Variants in VAMP4 observed in about 807,000 individuals in gnomAD.
VAMP4 encodes the protein vesicle associated membrane protein 4.
A neutral mutation model predicts 23.5 loss-of-function variants in VAMP4; 19 were observed. The ratio of observed to expected loss-of-function variants is 0.81; its 90% confidence interval spans 0.56 to 1.19. VAMP4 has a LOEUF of 1.19. Among genes scored for constraint, VAMP4 ranks in the 50% most tolerant of loss-of-function variants. The pLI is 0.00. For synonymous variants in VAMP4, 31 were observed against 51.0 expected (o/e 0.61, Z 1.67); for missense variants, 145 against 168.6 (o/e 0.86, Z 0.78).
intron 1 of VAMP4, among the ~76,000 whole-genome samples, chr1:171,740,881 C>T (rs898663534): frequency 1.3e-5 from 2 of 152,148 alleles, no homozygotes; most frequent in African/African-American, 4.8e-5. Context: ...CAACAAATAG[C>T]CCATCAGCAA....
At chr1:171,738,545 G>A (rs1215158198) in intron 1 of VAMP4, 82 bp from the exon 2 acceptor site, 1 of 820,318 alleles carries the variant, frequency 1.2e-6, no homozygotes, top group Non-Finnish European at 1.9e-6. Flanking sequence ...ATGAAACCCT[G>A]TATGACAGGG....
At chr1:171,723,744 G>A (rs866997836) in intron 3 of VAMP4, among the ~76,000 whole-genome samples, 28 of 152,250 alleles carry the variant, frequency 1.8e-4, no homozygotes, top group Middle Eastern at 3.4e-3. Flanking sequence ...CGAAGATGAC[G>A]GGATTAAGAG....
intron 4 of VAMP4, among the ~76,000 whole-genome samples, chr1:171,714,160 A>C (rs1469665538): frequency 6.6e-6 from 1 of 152,190 alleles, no homozygotes; most frequent in African/African-American, 2.4e-5. Context: ...ATGTTTCCCT[A>C]CCCAGAACAC....
intron 2 of VAMP4, among the ~76,000 whole-genome samples, chr1:171,731,267 G>T (rs1214254878): frequency 6.6e-6 from 1 of 152,092 alleles, no homozygotes; most frequent in Admixed American, 6.5e-5. Flanking sequence ...GGCCTGTTGT[G>T]GGGTGGGGAG....
At chr1:171,713,831 G>T (rs1445043842) in intron 4 of VAMP4, among the ~76,000 whole-genome samples, 2 of 151,488 alleles carry the variant, frequency 1.3e-5, no homozygotes, top group Admixed American at 6.6e-5. Flanking sequence ...CTGTCTCAAA[G>T]GAAAAAAAAC....
intron 2 of VAMP4, among the ~76,000 whole-genome samples, 167 bp downstream of exon 2, chr1:171,738,182 A>G (rs1396960796): frequency 1.3e-5 from 2 of 152,206 alleles, no homozygotes; most frequent in African/African-American, 4.8e-5. Flanking sequence ...GGGTTGTCCA[A>G]GACAGTCTTG....
chr1:171,712,584 A>G (rs1178620577), intron 4 of VAMP4, among the ~76,000 whole-genome samples: 5 of 152,160 alleles, frequency 3.3e-5, no homozygotes, highest in Non-Finnish European at 1.5e-5. Flanking sequence ...TGCTTCCCAC[A>G]CATTATTCCA....
At chr1:171,706,549 A>G in intron 6 of VAMP4, 131 bp from the exon 7 acceptor site, 1 of 773,520 alleles carries the variant, frequency 1.3e-6, no homozygotes, top group South Asian at 3.1e-5. Flanking sequence ...CAAAACTGAC[A>G]CAGAATGCTC....
intron 3 of VAMP4, among the ~76,000 whole-genome samples, chr1:171,725,457 CAATT>C (rs985565400): frequency 2.6e-5 from 4 of 151,934 alleles, no homozygotes; most frequent in African/African-American, 9.7e-5. Flanking sequence ...AATCAGCAAA[CAATT>C]AAAAAAAATG....
chr1:171,708,765 A>T (rs1654749868), intron 6 of VAMP4, among the ~76,000 whole-genome samples: 1 of 151,508 alleles, frequency 6.6e-6, no homozygotes, highest in Non-Finnish European at 1.5e-5. Context: ...AATTCCAGCT[A>T]CTCAGGAGGC....
At chr1:171,707,159 T>C (rs151039288) in intron 6 of VAMP4, among the ~76,000 whole-genome samples, 250 of 152,270 alleles carry the variant, frequency 1.6e-3, no homozygotes, top group African/African-American at 5.6e-3. Context: ...CAAAAATCTG[T>C]TTGTCATTAA....
At chr1:171,727,240 C>CA (rs35549560) in intron 3 of VAMP4, among the ~76,000 whole-genome samples, 68,266 of 85,106 alleles carry the variant, frequency 0.8, 27,463 homozygotes, top group African/African-American at 0.82. Flanking sequence ...TACCTTGTCT[C>CA]AAAAAAAAAA....
At chr1:171,730,448 C>T (rs564217926) in intron 2 of VAMP4, among the ~76,000 whole-genome samples, 176 of 152,036 alleles carry the variant, frequency 1.2e-3, no homozygotes, top group African/African-American at 4.1e-3. Flanking sequence ...TATAGAAAAG[C>T]TTAAAAAGAA....
At chr1:171,740,685 G>A (rs1655895540) in intron 1 of VAMP4, among the ~76,000 whole-genome samples, 1 of 152,152 alleles carries the variant, frequency 6.6e-6, no homozygotes, top group South Asian at 2.1e-4. Flanking sequence ...GCAAATTACT[G>A]AAGAACTTGT....
At position 171,703,394 on chromosome 1, in the gene VAMP4, T is replaced by TGC; in HGVS notation, c.*1111_*1112insGC. The TGC allele has an allele frequency of 2.1e-5, 2 of 95,010 alleles. No individual in the cohort carries two copies. The highest frequency in any genetic ancestry group is 8.4e-5 in the African/African-American group (2 of 23,890). 5.9% of individuals were successfully genotyped at this position (95,010 alleles called of 1,614,324 possible). ...ACTGACTGATTATCATATGTGTGCGTGTGTGTGTGTGTGTGTGTGTGTGTT... is the reference window on the plus strand; with the variant it reads ...ACTGACTGATTATCATATGTGTGCGTGCGTGTGTGTGTGTGTGTGTGTGTGTT... On this transcript the variant is annotated 3_prime_UTR_variant, in exon 8 of 8. Coordinates refer to ENST00000236192, the MANE Select transcript of VAMP4 (RefSeq NM_003762.5).
At chr1:171,735,358 T>A (rs1460699980) in intron 2 of VAMP4, among the ~76,000 whole-genome samples, 2 of 152,268 alleles carry the variant, frequency 1.3e-5, no homozygotes, top group Non-Finnish European at 2.9e-5. Context: ...TGAATTTGGC[T>A]ACAACCTTCT....
chr1:171,716,208 C>T (rs1655018803), intron 4 of VAMP4, among the ~76,000 whole-genome samples: 1 of 151,986 alleles, frequency 6.6e-6, no homozygotes, highest in Admixed American at 6.6e-5. Context: ...CTGGTCTGAC[C>T]AAGACTATAA....
chr1:171,738,421 T>C lies in VAMP4; in HGVS notation c.-7A>G. ...GCTTAAACTTGGGAGGCATATTTTTTACTTGCAAAGTATCTTTTGCTTCTC... is the reference window on the plus strand; with the variant it reads ...GCTTAAACTTGGGAGGCATATTTTTCACTTGCAAAGTATCTTTTGCTTCTC... On this transcript the variant is annotated 5_prime_UTR_variant, in exon 2 of 8. Transcript: ENST00000236192. 2 of 1,614,102 alleles carry C rather than the reference T, an allele frequency of 1.2e-6. No homozygotes were observed. The highest frequency in any genetic ancestry group is 1.1e-5 in the South Asian group (1 of 91,066).
At chr1:171,721,978 G>A (rs1407852798) in intron 3 of VAMP4, among the ~76,000 whole-genome samples, 2 of 152,178 alleles carry the variant, frequency 1.3e-5, no homozygotes, top group Non-Finnish European at 2.9e-5. Flanking sequence ...CAAAGTTGGA[G>A]GCGTCACGCT....
Sources: gnomAD v4.1 joint callset for allele counts (sites outside exome capture counted in the v4.1 genomes callset) on GRCh38, gnomAD v4.1.1 for gene constraint, MANE v1.5 for transcripts, NCBI Gene and HGNC (gene_info 2026-07-23, HGNC 2026-07-21) for gene names.